PLXNA4: variants seen among roughly 807,000 people sequenced by gnomAD.
PLXNA4 encodes the protein plexin A4.
PLXNA4 carries 44 observed loss-of-function variants against 191.8 expected under a neutral mutation model. That is an observed-to-expected ratio of 0.23 (90% confidence interval 0.18 to 0.29). PLXNA4 has a LOEUF of 0.29. Among genes scored for constraint, PLXNA4 ranks in the 10% least tolerant of loss-of-function variants. PLXNA4 has a pLI of 1.00. For synonymous variants in PLXNA4, 1,082 were observed against 1,009.5 expected (o/e 1.07, Z -1.36); for missense variants, 1,800 against 2,488.8 (o/e 0.72, Z 5.89).
chr7:132,149,632 A>AAAC (rs1795536636), intron 25 of PLXNA4, among the ~76,000 whole-genome samples: 1 of 152,220 alleles, frequency 6.6e-6, no homozygotes, highest in African/African-American at 2.4e-5. Context: ...AAGAAGCCAG[A>AAAC]CGTTTGGTTT....
At chr7:132,290,373 G>A (rs1752550489) in intron 4 of PLXNA4, among the ~76,000 whole-genome samples, 1 of 152,216 alleles carries the variant, frequency 6.6e-6, no homozygotes, top group African/African-American at 2.4e-5. Context: ...CTGGGGGACA[G>A]CTGCTTCTCC....
At chr7:132,199,718 G>A (rs186376348) in intron 12 of PLXNA4, among the ~76,000 whole-genome samples, 2 of 152,274 alleles carry the variant, frequency 1.3e-5, no homozygotes, top group Admixed American at 6.5e-5. Flanking sequence ...TCCATCCTGG[G>A]GTAAGGGTGA....
intron 3 of PLXNA4, among the ~76,000 whole-genome samples, chr7:132,441,991 A>G (rs2117252157): frequency 6.6e-6 from 1 of 152,248 alleles, no homozygotes; most frequent in East Asian, 1.9e-4. Flanking sequence ...CAAGAGTGAC[A>G]CTCCTGACCT....
chr7:132,150,439 G>A (rs548044746), intron 25 of PLXNA4, among the ~76,000 whole-genome samples: 119 of 152,312 alleles, frequency 7.8e-4, no homozygotes, highest in African/African-American at 2.7e-3. Context: ...ATACGGCAGT[G>A]AGCCTCCCCC....
At chr7:132,161,622 G>A (rs927901718) in intron 24 of PLXNA4, among the ~76,000 whole-genome samples, 1 of 152,162 alleles carries the variant, frequency 6.6e-6, no homozygotes, top group African/African-American at 2.4e-5. Context: ...GTTCCCCGGT[G>A]GGCATCTAGC....
intron 15 of PLXNA4, among the ~76,000 whole-genome samples, chr7:132,185,799 C>T (rs1326694570): frequency 1.3e-5 from 2 of 152,184 alleles, no homozygotes; most frequent in Non-Finnish European, 2.9e-5. Context: ...GCAAGAATCA[C>T]GTTAAGTTGG....
At chr7:132,439,215 G>T (rs1323777766) in intron 3 of PLXNA4, among the ~76,000 whole-genome samples, 1 of 152,118 alleles carries the variant, frequency 6.6e-6, no homozygotes, top group Non-Finnish European at 1.5e-5. Context: ...TCAGACACGT[G>T]GCCCACAGGT....
intron 3 of PLXNA4, among the ~76,000 whole-genome samples, chr7:132,486,622 A>G (rs560189042): frequency 7.3e-4 from 111 of 152,300 alleles, no homozygotes; most frequent in Admixed American, 2.0e-3. Context: ...ATTCCCCCCA[A>G]CTGACCCTTG....
In PLXNA4 at chr7:132,198,587, C is replaced by T. The variant is rs376155203; in HGVS notation, c.2636G>A (p.Arg879Gln). 62 of 1,614,122 alleles carry T rather than the reference C, an allele frequency of 3.8e-5. No individual in the cohort carries two copies. Among genetic ancestry groups the T allele is most frequent in the South Asian group, 6.6e-5 (6 of 91,090 alleles). The change falls in exon 13 of 32, where the codon CGA (arginine) becomes CAA (glutamine). Residue 879 changes from arginine (R) to glutamine (Q), a missense_variant. By Grantham distance (43) the Arg-to-Gln change is conservative. Around this residue, in one of 6 missense-constraint regions of PLXNA4, gnomAD observed 1,397 missense variants for 1,880.4 expected, o/e 0.74. Transcript: ENST00000321063. ...PREGGTKVTI[R>Q]GENLGLEFRD... is the part of the protein sequence containing the mutation. ...AAATTCCAGGCCCAGGTTCTCCCCTCGGATAGTGACCTTGGTGCCCCCTTC... is the reference window on the plus strand; with the variant it reads ...AAATTCCAGGCCCAGGTTCTCCCCTTGGATAGTGACCTTGGTGCCCCCTTC...
chr7:132,257,149 T>G (rs2116205943), intron 4 of PLXNA4, among the ~76,000 whole-genome samples: 1 of 152,292 alleles, frequency 6.6e-6, no homozygotes, highest in East Asian at 1.9e-4. Context: ...TGGCGCAGCC[T>G]CCTTTCTCCA....
intron 5 of PLXNA4, among the ~76,000 whole-genome samples, chr7:132,236,138 G>A (rs887328772): frequency 4.1e-4 from 62 of 152,174 alleles, no homozygotes; most frequent in Non-Finnish European, 7.5e-4. Flanking sequence ...CCTTTCTTAA[G>A]CATGTTTTGT....
At chr7:132,439,901 C>T (rs956094173) in intron 3 of PLXNA4, among the ~76,000 whole-genome samples, 3 of 152,136 alleles carry the variant, frequency 2.0e-5, no homozygotes, top group African/African-American at 7.2e-5. Context: ...AGCAGTGTGG[C>T]ACTTTGTAAA....
At chr7:132,161,059 A>T (rs183388571) in intron 24 of PLXNA4, among the ~76,000 whole-genome samples, 1 of 152,208 alleles carries the variant, frequency 6.6e-6, no homozygotes, top group Admixed American at 6.5e-5. Flanking sequence ...TCCTTCTAAG[A>T]GTCTTCTGGC....
At chr7:132,345,108 G>T (rs2116768248) in intron 3 of PLXNA4, among the ~76,000 whole-genome samples, 1 of 152,302 alleles carries the variant, frequency 6.6e-6, no homozygotes, top group Non-Finnish European at 1.5e-5. Context: ...ATGGATGTAG[G>T]TGTGAAAGTA....
rs1452259685 is a variant in PLXNA4 at position 132,223,629 on chromosome 7, G to A, written c.1995C>T (p.Cys665=). The change falls in exon 9 of 32, where the codon TGC becomes TGT. Residue 665 remains cysteine, a synonymous_variant. Coordinates refer to ENST00000321063, the MANE Select transcript of PLXNA4 (RefSeq NM_020911.2). ...AGTGGCAGCGGTATGGACTCTCCAC[G>A]CAGGACAGGCACCTGGGCACAGGGG... ...NCSVHNSCLS[C]VESPYRCHWC... is the part of the protein sequence containing the mutation. The A allele has an allele frequency of 1.7e-5, 28 of 1,612,880 alleles. No individual in the cohort carries two copies. The Admixed American group carries it at 2.7e-4, about 15-fold the overall frequency.
intron 20 of PLXNA4, 146 bp from the exon 21 acceptor site, chr7:132,175,066 T>A: frequency 1.5e-6 from 2 of 1,316,640 alleles, no homozygotes; most frequent in Non-Finnish European, 2.0e-6. Flanking sequence ...AGAGGCTATG[T>A]TTACATAGCT....
chr7:132,243,280 C>G (rs1394816098), intron 4 of PLXNA4, among the ~76,000 whole-genome samples: 3 of 152,172 alleles, frequency 2.0e-5, no homozygotes, highest in Non-Finnish European at 4.4e-5. Context: ...TTGTCTAGCA[C>G]TCCATATTTT....
At chr7:132,273,479 T>A (rs1800154893) in intron 4 of PLXNA4, among the ~76,000 whole-genome samples, 1 of 152,212 alleles carries the variant, frequency 6.6e-6, no homozygotes, top group Non-Finnish European at 1.5e-5. Flanking sequence ...TCAACTTTTC[T>A]TCTGACCTTG....
chr7:132,465,153 A>G (rs977227673), intron 3 of PLXNA4, among the ~76,000 whole-genome samples: 3 of 152,072 alleles, frequency 2.0e-5, no homozygotes, highest in Admixed American at 1.3e-4. Flanking sequence ...CACACAGCCC[A>G]TAGATAGGGT....
Sources: gnomAD v4.1 joint callset for allele counts (sites outside exome capture counted in the v4.1 genomes callset) on GRCh38, gnomAD v4.1.1 for gene constraint, gnomAD v4.1.1 regional missense constraint, MANE v1.5 for transcripts, NCBI Gene and HGNC (gene_info 2026-07-23, HGNC 2026-07-21) for gene names.